Variants in SOX5 observed in about 807,000 individuals in gnomAD.
SOX5 encodes SRY-box transcription factor 5.
In SOX5, 9 loss-of-function variants were observed where a neutral mutation model predicts 92.0. The observed-to-expected ratio is 0.10, with a 90% CI of 0.06 to 0.17. The LOEUF is 0.17. Among genes scored for constraint, SOX5 ranks in the 10% least tolerant of loss-of-function variants. The pLI is 1.00. For missense variants in SOX5, 642 were observed against 944.5 expected, an observed-to-expected ratio of 0.68 and a Z score of 4.20; for synonymous variants, 344 against 336.3, an observed-to-expected ratio of 1.02 and a Z score of -0.25.
chr12:23,918,925 G>GAAAAAAAAAAAA (rs111430391), intron 1 of SOX5, among the ~76,000 whole-genome samples: 1 of 126,680 alleles, frequency 7.9e-6, no homozygotes. Flanking sequence ...TCAAAAAAAA[G>GAAAAAAAAAAAA]AAAAAAAAAG....
At chr12:23,733,884 T>C (rs969308784) in intron 6 of SOX5, among the ~76,000 whole-genome samples, 1 of 152,118 alleles carries the variant, frequency 6.6e-6, no homozygotes, top group African/African-American at 2.4e-5. Flanking sequence ...CTCCATGAAT[T>C]AGGTTCCTTG....
At chr12:24,502,241 T>C (rs1285162309) in intron 1 of SOX5, among the ~76,000 whole-genome samples, 1 of 152,190 alleles carries the variant, frequency 6.6e-6, no homozygotes, top group African/African-American at 2.4e-5. Flanking sequence ...AAGTGGCCAA[T>C]TCCAACAATG....
chr12:24,142,454 A>G (rs546775053), intron 4 of SOX5, among the ~76,000 whole-genome samples: 1 of 152,142 alleles, frequency 6.6e-6, no homozygotes, highest in East Asian at 1.9e-4. Context: ...GTGTATAGAA[A>G]CATGGTCTAG....
At chr12:23,804,912 GTT>G (rs1208115079) in intron 3 of SOX5, among the ~76,000 whole-genome samples, 25 of 81,470 alleles carry the variant, frequency 3.1e-4, no homozygotes, top group African/African-American at 8.7e-4. Flanking sequence ...ACCTATCATT[GTT>G]TTATATATAT....
chr12:24,402,938 G>A (rs1029818609), intron 1 of SOX5, among the ~76,000 whole-genome samples: 5 of 152,046 alleles, frequency 3.3e-5, no homozygotes, highest in Admixed American at 2.6e-4. Flanking sequence ...TCATAATGCT[G>A]AAGGTTAATT....
chr12:24,118,764 A>G (rs547170711), intron 4 of SOX5, among the ~76,000 whole-genome samples: 1 of 152,304 alleles, frequency 6.6e-6, no homozygotes, highest in Non-Finnish European at 1.5e-5. Flanking sequence ...GTCAAGAAGA[A>G]TAACATAACA....
intron 2 of SOX5, among the ~76,000 whole-genome samples, chr12:24,365,993 C>T (rs1048914292): frequency 6.6e-6 from 1 of 152,054 alleles, no homozygotes; most frequent in Non-Finnish European, 1.5e-5. Context: ...CATTTTGCCT[C>T]TTTATTCAGG....
At chr12:24,260,606 A>G (rs1217686869) in intron 3 of SOX5, among the ~76,000 whole-genome samples, 1 of 152,182 alleles carries the variant, frequency 6.6e-6, no homozygotes, top group Non-Finnish European at 1.5e-5. Context: ...GGACTTCCTT[A>G]GGTAGTGATA....
At chr12:24,120,480 A>G (rs1012680358) in intron 4 of SOX5, among the ~76,000 whole-genome samples, 1 of 152,226 alleles carries the variant, frequency 6.6e-6, no homozygotes, top group Admixed American at 6.5e-5. Flanking sequence ...TATCTAGAAC[A>G]TACATTTCGA....
intron 2 of SOX5, among the ~76,000 whole-genome samples, chr12:24,289,180 C>T (rs1268889550): frequency 6.6e-6 from 1 of 151,838 alleles, no homozygotes; most frequent in African/African-American, 2.4e-5. Context: ...ATTGGAGACT[C>T]TGAGGCAGGA....
rs192812895 is a variant in SOX5 at position 24,050,076 on chromosome 12, C to T, written c.-1-154052G>A. 0.013 allele frequency among the ~76,000 whole-genome samples: 1,092 copies of T among 85,860 alleles called. 10 individuals carry two copies. The Middle Eastern group carries it at 0.18, about 14-fold the overall frequency. The allele number at this position is 85,860 out of a possible 152,430, so 56.3% of individuals were successfully genotyped here. ...TTTCAATGCTTTCACATGCTGTGGG[C>T]GCAGAGGCAAAAAAAAAAAAAAAAA... On this transcript the variant is annotated intron_variant, in intron 4 of 4. Transcript: ENST00000446891.
chr12:23,601,400 T>A (rs909934150), intron 9 of SOX5, among the ~76,000 whole-genome samples: 1 of 152,212 alleles, frequency 6.6e-6, no homozygotes, highest in Admixed American at 6.5e-5. Flanking sequence ...CATCATCACC[T>A]GGTTGTGACT....
At chr12:24,403,468 A>C (rs1962224633) in intron 1 of SOX5, among the ~76,000 whole-genome samples, 1 of 152,220 alleles carries the variant, frequency 6.6e-6, no homozygotes, top group African/African-American at 2.4e-5. Context: ...CAAATATACC[A>C]AAAAGCTAGT....
At chr12:24,151,489 A>G (rs909818907) in intron 4 of SOX5, among the ~76,000 whole-genome samples, 5 of 152,204 alleles carry the variant, frequency 3.3e-5, no homozygotes, top group Non-Finnish European at 7.4e-5. Context: ...ACAATTGAAG[A>G]AAAGTCCTCT....
chr12:23,651,315 A>AT (rs2081532297), intron 7 of SOX5, among the ~76,000 whole-genome samples: 1 of 152,016 alleles, frequency 6.6e-6, no homozygotes, highest in Non-Finnish European at 1.5e-5. Flanking sequence ...ATTCTACACA[A>AT]TTTTTTAAAC....
At chr12:24,175,252 A>G (rs545235479) in intron 4 of SOX5, among the ~76,000 whole-genome samples, 3 of 152,356 alleles carry the variant, frequency 2.0e-5, no homozygotes, top group South Asian at 2.1e-4. Context: ...GCAGTTTTGC[A>G]CATAGTATTT....
At chr12:23,908,986 T>C (rs145442853) in intron 1 of SOX5, among the ~76,000 whole-genome samples, 1,540 of 151,632 alleles carry the variant, frequency 0.01, 20 homozygotes, top group African/African-American at 0.035. Context: ...AAAAAAAAAG[T>C]TTAAAAGCAT....
Position 23,785,432 on chromosome 12 carries a change from G to A in SOX5, c.482-29708C>T, listed in dbSNP as rs369193511. ...TTATTTGTGGGGAAAAGAAACAAGC[G>A]GTGGAATGTTGCAAAATTAAATAAA... On this transcript the variant is annotated intron_variant, in intron 3 of 14. Transcript: ENST00000451604. 1.4e-4 allele frequency among the ~76,000 whole-genome samples: 22 copies of A among 152,096 alleles called. No homozygotes were observed. In the South Asian group the frequency reaches 1.7e-3, roughly 12 times the overall value.
intron 4 of SOX5, among the ~76,000 whole-genome samples, chr12:24,167,072 TCATTAA>T (rs1565572300): frequency 1.3e-5 from 2 of 152,240 alleles, no homozygotes; most frequent in East Asian, 1.9e-4. Flanking sequence ...ATGCTAGCTA[TCATTAA>T]CATTATTTTC....
Sources: allele counts gnomAD v4.1 joint callset (sites outside exome capture counted in the v4.1 genomes callset), GRCh38; gene constraint gnomAD v4.1.1; transcripts MANE v1.5; gene names NCBI Gene and HGNC (gene_info 2026-07-23, HGNC 2026-07-21).